Variants in BTBD2 observed in about 807,000 individuals in gnomAD.
The protein encoded by BTBD2 is BTB domain containing 2.
A neutral mutation model predicts 44.0 loss-of-function variants in BTBD2; 15 were observed. The observed-to-expected ratio is 0.34, with a 90% CI of 0.23 to 0.53. BTBD2 has a LOEUF of 0.53. Ranked by LOEUF, BTBD2 falls within the 20% of genes least tolerant of loss-of-function variation. The pLI is 0.95. For synonymous variants in BTBD2, 443 were observed against 335.9 expected, an observed-to-expected ratio of 1.32 and a Z score of -3.49; for missense variants, 657 against 746.4, an observed-to-expected ratio of 0.88 and a Z score of 1.39.
In BTBD2 at chr19:1,986,664, G is replaced by A. The variant is rs753008752; in HGVS notation, c.1417-15C>T. ...GAGTCTGGGCCCTGTAGGGAATAGG[G>A]GTACAGTGAGGTCAAGGACCACCAG... On this transcript the variant is annotated splice_polypyrimidine_tract_variant and intron_variant, in intron 8 of 8. Coordinates refer to ENST00000255608, the MANE Select transcript of BTBD2 (RefSeq NM_017797.4). 2.5e-6 allele frequency: 4 copies of A among 1,611,738 alleles called. No individual in the cohort carries two copies. Among genetic ancestry groups the A allele is most frequent in the East Asian group, 2.2e-5 (1 of 44,824 alleles).
chr19:2,015,202 G>A (rs938485229), intron 1 of BTBD2, 95 bp downstream of exon 1: 3 of 1,402,784 alleles, frequency 2.1e-6, no homozygotes, highest in African/African-American at 1.5e-5. Flanking sequence ...GGGTGCGGGG[G>A]TCTCGGGGAC....
Position 1,986,837 on chromosome 19 carries a change from G to A in BTBD2, c.1409C>T (p.Thr470Met), listed in dbSNP as rs754202535. The A allele has an allele frequency of 1.4e-5, 22 of 1,606,720 alleles. No individual in the cohort carries two copies. The highest frequency in any genetic ancestry group is 4.0e-5 in the African/African-American group (3 of 74,848). Residue 470 changes from threonine (T) to methionine (M), a missense_variant, in exon 8 of 9, where the codon ACG becomes ATG. This residue lies in a region of BTBD2 where 449 missense variants were observed against 510.9 expected (regional missense o/e 0.88). Coordinates refer to ENST00000255608, the MANE Select transcript of BTBD2 (RefSeq NM_017797.4). The part of the protein sequence containing the change: ...LPNVNYTACA[T>M]LKGPDSHYGT... ...CTGTCCCCGGCGGCGCACCTTGAGC[G>A]TGGCACAGGCCGTGTAGTTGACGTT...
intron 1 of BTBD2, chr19:2,013,697 G>A (rs1290781653): frequency 1.3e-5 from 13 of 984,170 alleles, no homozygotes; most frequent in Non-Finnish European, 1.6e-5. Flanking sequence ...GATCTGGACT[G>A]CAGGGCGGGC....
intron 1 of BTBD2, among the ~76,000 whole-genome samples, chr19:1,998,681 T>C (rs2016284288): frequency 6.6e-6 from 1 of 152,004 alleles, no homozygotes; most frequent in Non-Finnish European, 1.5e-5. Context: ...GCTCCCAGGC[T>C]CAAGACGCCA....
At chr19:2,005,267 A>G (rs1190205616) in intron 1 of BTBD2, among the ~76,000 whole-genome samples, 1 of 152,146 alleles carries the variant, frequency 6.6e-6, no homozygotes, top group Non-Finnish European at 1.5e-5. Flanking sequence ...GTGAGGACAC[A>G]GATTCTCCTT....
At position 2,015,536 on chromosome 19, in the gene BTBD2, C is replaced by T; in HGVS notation, c.168G>A (p.Gly56=). The T allele has an allele frequency of 1.1e-6, 1 of 936,222 alleles. No homozygotes were observed. Among genetic ancestry groups the T allele is most frequent in the Non-Finnish European group, 1.2e-6 (1 of 812,636 alleles). 58.0% of individuals were successfully genotyped at this position (936,222 alleles called of 1,614,324 possible). ...GGCCCGGCGGGGCGGGCGGCGTCGGCCCAGGGGCGGCGGCGGCGGCGGCGG... is the reference window on the plus strand; with the variant it reads ...GGCCCGGCGGGGCGGGCGGCGTCGGTCCAGGGGCGGCGGCGGCGGCGGCGG... ...AAAAAAAAAP[G]PTPPAPPGPG... is the part of the protein sequence containing the mutation. The change falls in exon 1 of 9, where the codon GGG becomes GGA. Residue 56 remains glycine, a synonymous_variant. Transcript: ENST00000255608.
chr19:2,008,544 G>C (rs372148035), intron 1 of BTBD2, among the ~76,000 whole-genome samples: 3 of 149,994 alleles, frequency 2.0e-5, no homozygotes, highest in African/African-American at 2.5e-5. Flanking sequence ...GCCCGCCTTG[G>C]CCTCCCAAAA....
At chr19:2,004,158 A>G (rs1175845067) in intron 1 of BTBD2, among the ~76,000 whole-genome samples, 1 of 149,772 alleles carries the variant, frequency 6.7e-6, no homozygotes, top group East Asian at 2.0e-4. Flanking sequence ...CATTTTACAT[A>G]TATTGATTGA....
intron 1 of BTBD2, among the ~76,000 whole-genome samples, chr19:2,006,926 C>T (rs35053053): frequency 0.19 from 28,398 of 152,018 alleles, 2,935 homozygotes; most frequent in East Asian, 0.3. Context: ...GACGCGATCT[C>T]GGCTCGCTGC....
rs764024901 is a variant in BTBD2 at position 1,987,294 on chromosome 19, G to C, written c.1182-41C>G. On this transcript the variant is annotated intron_variant, in intron 6 of 8. Coordinates refer to ENST00000255608, the MANE Select transcript of BTBD2 (RefSeq NM_017797.4). Reference sequence around the variant, plus strand: ...ACAGGCAGCAGCGTGGATACCCAGGGATAGCCTAAGGTGAGCTGGGGCGAG... The same window carrying C: ...ACAGGCAGCAGCGTGGATACCCAGGCATAGCCTAAGGTGAGCTGGGGCGAG... 11 of 1,604,636 alleles carry C rather than the reference G, an allele frequency of 6.9e-6. No individual in the cohort carries two copies. The South Asian group carries it at 1.1e-4, about 16-fold the overall frequency.
rs894578691 is a variant in BTBD2, at chr19:1,986,436, C to G, written c.*52G>C. Reference sequence around the variant, plus strand: ...GGGGGCCCCAGCAGCAGATGATGGCCTGGGGCTGCGGCTATCCCCACGGAG... The same window carrying G: ...GGGGGCCCCAGCAGCAGATGATGGCGTGGGGCTGCGGCTATCCCCACGGAG... On this transcript the variant is annotated 3_prime_UTR_variant, in exon 9 of 9. Transcript: ENST00000255608. The G allele has an allele frequency of 6.2e-7, 1 of 1,600,268 alleles. No homozygotes were observed. The highest frequency in any genetic ancestry group is 8.5e-7 in the Non-Finnish European group (1 of 1,170,276).
intron 1 of BTBD2, 133 bp downstream of exon 1, chr19:2,015,164 C>A: frequency 2.4e-6 from 3 of 1,266,582 alleles, no homozygotes; most frequent in Non-Finnish European, 3.0e-6. Context: ...GTCCCGGGGA[C>A]AGAGGGGTGC....
intron 1 of BTBD2, among the ~76,000 whole-genome samples, chr19:2,001,323 C>T (rs1027690954): frequency 2.6e-5 from 4 of 151,828 alleles, no homozygotes; most frequent in East Asian, 1.9e-4. Flanking sequence ...GGTGAAACCC[C>T]GTCTCTACTA....
chr19:1,987,146 ATGAGG>A lies in BTBD2; in HGVS notation c.1269+15_1269+19del. ...ACATGGGCCTGAGTGGGGCCTGGGG[ATGAGG>A]CTTGGGGCTGGTACCTGGATGTTCA... On this transcript the variant is annotated intron_variant, in intron 7 of 8. Transcript: ENST00000255608. The A allele has an allele frequency of 6.8e-6, 11 of 1,611,894 alleles. No individual in the cohort carries two copies. Among genetic ancestry groups the A allele is most frequent in the Non-Finnish European group, 9.3e-6 (11 of 1,178,248 alleles).
intron 3 of BTBD2, among the ~76,000 whole-genome samples, chr19:1,992,499 C>T (rs138935109): frequency 6.6e-6 from 1 of 152,282 alleles, no homozygotes; most frequent in East Asian, 1.9e-4. Context: ...CTTGGCCTCC[C>T]AAAGTGCTGG....
In BTBD2 at chr19:1,997,365, G is replaced by A; in HGVS notation, c.506C>T (p.Ala169Val). Residue 169 changes from alanine (A) to valine (V), a missense_variant, in exon 2 of 9, where the codon GCT becomes GTT. This residue lies in a region of BTBD2 where 17 missense variants were observed against 47.0 expected (regional missense o/e 0.36). Coordinates refer to ENST00000255608, the MANE Select transcript of BTBD2 (RefSeq NM_017797.4). Reference protein sequence around the residue: ...TEIELPDVEPAAFLALLKFLY... With the variant: ...TEIELPDVEPVAFLALLKFLY... ...TTACTTGAGCAGTGCGAGGAAGGCA[G>A]CGGGTTCCACGTCGGGCAGCTCAAT... 6.2e-7 allele frequency: 1 copy of A among 1,614,170 alleles called. No individual in the cohort carries two copies. Among genetic ancestry groups the A allele is most frequent in the Non-Finnish European group, 8.5e-7 (1 of 1,180,036 alleles).
intron 1 of BTBD2, among the ~76,000 whole-genome samples, chr19:1,999,155 C>A (rs1168783990): frequency 6.6e-6 from 1 of 152,194 alleles, no homozygotes; most frequent in African/African-American, 2.4e-5. Context: ...ACCCCGCAGG[C>A]CCTCAGCCCA....
intron 1 of BTBD2, among the ~76,000 whole-genome samples, chr19:2,001,528 T>C (rs1344954702): frequency 3.3e-5 from 5 of 152,118 alleles, no homozygotes; most frequent in Admixed American, 2.0e-4. Flanking sequence ...ACCGAAAGAA[T>C]TGTGTGGTGC....
intron 1 of BTBD2, among the ~76,000 whole-genome samples, chr19:2,004,896 A>C (rs2016375673): frequency 6.6e-6 from 1 of 151,102 alleles, no homozygotes; most frequent in Non-Finnish European, 1.5e-5. Flanking sequence ...ATCTCGGTTC[A>C]CTGCAACCCG....
Sources: gnomAD v4.1 joint callset for allele counts (sites outside exome capture counted in the v4.1 genomes callset) on GRCh38, gnomAD v4.1.1 for gene constraint, gnomAD v4.1.1 regional missense constraint, MANE v1.5 for transcripts, NCBI Gene and HGNC (gene_info 2026-07-23, HGNC 2026-07-21) for gene names.